Variants in DOCK4 observed in about 807,000 individuals in gnomAD.
The protein encoded by DOCK4 is dedicator of cytokinesis 4.
A neutral mutation model predicts 268.1 loss-of-function variants in DOCK4; 97 were observed. The ratio of observed to expected loss-of-function variants is 0.36; its 90% CI spans 0.31 to 0.43. The LOEUF (loss-of-function observed/expected upper bound fraction) is 0.43, where lower values mean the gene tolerates loss of function less well. DOCK4 is among the 20% of genes least tolerant of loss of function. The probability of loss-of-function intolerance (pLI) is 1.00; values close to 1 mark genes in which losing one functional copy is unlikely to be tolerated. For missense variants in DOCK4, 2,145 were observed against 2,455.7 expected (o/e 0.87, Z 2.67); for synonymous variants, 954 against 887.2 (o/e 1.08, Z -1.34).
chr7:112,148,890 A>G (rs961385617), intron 1 of DOCK4, among the ~76,000 whole-genome samples: 4 of 152,138 alleles, frequency 2.6e-5, no homozygotes, highest in African/African-American at 9.7e-5. Context: ...CACTGGACAA[A>G]AGAGGTAACA....
intron 8 of DOCK4, among the ~76,000 whole-genome samples, chr7:111,973,156 C>CGCATATATATATATATATATATATAT (rs990863473): frequency 5.3e-5 from 6 of 114,050 alleles, no homozygotes; most frequent in African/African-American, 1.8e-4. Flanking sequence ...TATTCCATGG[C>CGCATATATATATATATATATATATAT]ATATATATAT....
chr7:112,066,516 A>C lies in DOCK4; in HGVS notation c.38-62385T>G, dbSNP rs572633350. Among the ~76,000 whole-genome samples, 355 of 144,162 alleles carry C rather than the reference A, an allele frequency of 2.5e-3. 1 individual carries two copies. Among genetic ancestry groups the C allele is most frequent in the African/African-American group, 9.4e-3 (331 of 35,338 alleles). 94.6% of individuals were successfully genotyped at this position (144,162 alleles called of 152,430 possible). A position where few individuals can be genotyped will look rare whatever the true frequency, so the allele number is the denominator to read the frequency against. On this transcript the variant is annotated intron_variant, in intron 1 of 52. Transcript: ENST00000428084. ...TCTCTCCCTCTCTCTCTCTCTCTAT[A>C]TATATACACACACACATATATATAC...
intron 1 of DOCK4, among the ~76,000 whole-genome samples, chr7:112,013,905 TACTC>T (rs1375483916): frequency 2.6e-5 from 4 of 152,300 alleles, no homozygotes; most frequent in South Asian, 2.1e-4. Flanking sequence ...ACACTGATTA[TACTC>T]ACTCACCACC....
Position 111,989,032 on chromosome 7 carries a change from C to G in DOCK4, c.447G>C (p.Arg149=), listed in dbSNP as rs1157612735. ...ATACTCACTCATTGCCCCAGTCAAG[C>G]CGGGCAGTAATGTGGCGCTTCACGT... ...MKDVKRHITA[R]LDWGNEQLGL... Residue 149 remains arginine, a synonymous_variant, in exon 6 of 53, where the codon CGG becomes CGC. Coordinates refer to ENST00000428084, the MANE Select transcript of DOCK4 (RefSeq NM_001363540.2). 3.1e-6 allele frequency: 5 copies of G among 1,612,194 alleles called. No homozygotes were observed. The African/African-American group carries it at 6.7e-5, about 22-fold the overall frequency.
intron 1 of DOCK4, among the ~76,000 whole-genome samples, chr7:112,167,825 A>G (rs566973507): frequency 6.6e-6 from 1 of 152,286 alleles, no homozygotes; most frequent in Non-Finnish European, 1.5e-5. Flanking sequence ...AAGACTTTTA[A>G]TTTCATTATT....
At chr7:112,109,422 G>A (rs1811428970) in intron 1 of DOCK4, among the ~76,000 whole-genome samples, 1 of 152,094 alleles carries the variant, frequency 6.6e-6, no homozygotes, top group African/African-American at 2.4e-5. Flanking sequence ...AAAAATGTAT[G>A]GGAAGCTTAA....
intron 23 of DOCK4, among the ~76,000 whole-genome samples, chr7:111,851,365 A>G (rs908711873): frequency 3.3e-5 from 5 of 151,022 alleles, no homozygotes; most frequent in Non-Finnish European, 7.4e-5. Flanking sequence ...GAATCGCTTG[A>G]ACCTGGGAGG....
At chr7:112,177,345 G>A (rs1050809112) in intron 1 of DOCK4, among the ~76,000 whole-genome samples, 2 of 152,194 alleles carry the variant, frequency 1.3e-5, no homozygotes, top group Non-Finnish European at 2.9e-5. Context: ...TATTTACCAA[G>A]GCTTTTGTGA....
At chr7:111,829,571 A>G (rs935653142) in intron 26 of DOCK4, among the ~76,000 whole-genome samples, 14 of 152,334 alleles carry the variant, frequency 9.2e-5, no homozygotes, top group African/African-American at 2.9e-4. Flanking sequence ...GACCTTAACA[A>G]CAGGCTTTTA....
chr7:112,022,725 T>C (rs1436390279), intron 1 of DOCK4, among the ~76,000 whole-genome samples: 1 of 152,228 alleles, frequency 6.6e-6, no homozygotes, highest in African/African-American at 2.4e-5. Flanking sequence ...GCTGTCAATG[T>C]TGACCATTTC....
At chr7:111,764,044 C>A (rs1203667847) in intron 39 of DOCK4, among the ~76,000 whole-genome samples, 1 of 152,160 alleles carries the variant, frequency 6.6e-6, no homozygotes, top group Non-Finnish European at 1.5e-5. Flanking sequence ...GGCCCACCTG[C>A]AAAGTCAGCT....
chr7:111,882,937 G>T (rs1807528550), intron 16 of DOCK4, among the ~76,000 whole-genome samples: 1 of 152,210 alleles, frequency 6.6e-6, no homozygotes, highest in Admixed American at 6.5e-5. Context: ...ATTTAGGAAA[G>T]ACCTCTCTAA....
At position 111,788,756 on chromosome 7, in the gene DOCK4, T is replaced by C. The variant is rs1799342400; in HGVS notation, c.3316-9A>G. The stretch of plus-strand genomic sequence containing the variant: ...ATTAGCTTGGCTTCCACCTGAAACA[T>C]ACCCAACTATTATTCTCTTTCCTCC... On this transcript the variant is annotated splice_polypyrimidine_tract_variant and intron_variant, in intron 31 of 52. Transcript: ENST00000428084. 1.3e-6 allele frequency: 2 copies of C among 1,576,108 alleles called. No individual in the cohort carries two copies. The highest frequency in any genetic ancestry group is 1.7e-6 in the Non-Finnish European group (2 of 1,157,916).
chr7:111,827,337 GAA>G (rs1337924949), intron 26 of DOCK4, among the ~76,000 whole-genome samples: 1 of 152,002 alleles, frequency 6.6e-6, no homozygotes. Context: ...TAATTATATT[GAA>G]AATCTTTTGA....
chr7:112,125,255 G>C (rs549726798), intron 1 of DOCK4, among the ~76,000 whole-genome samples: 1 of 152,162 alleles, frequency 6.6e-6, no homozygotes, highest in East Asian at 1.9e-4. Context: ...GCCCCATCAG[G>C]ATGATCCCAA....
rs570594727 is a variant in DOCK4, at chr7:111,891,373, G to C, written c.1587+4239C>G. On this transcript the variant is annotated intron_variant, in intron 16 of 52. Coordinates refer to ENST00000428084, the MANE Select transcript of DOCK4 (RefSeq NM_001363540.2). ...ATGGTATTATACTAAATATATGCATGTATAAAGTATTAACAATAAGCACTT... is the reference window on the plus strand; with the variant it reads ...ATGGTATTATACTAAATATATGCATCTATAAAGTATTAACAATAAGCACTT... Among the ~76,000 whole-genome samples, 3 of 152,198 alleles carry C rather than the reference G, an allele frequency of 2.0e-5. No individual in the cohort carries two copies. The South Asian group carries it at 6.2e-4, about 32-fold the overall frequency.
In DOCK4 at chr7:111,834,610, A is replaced by T. The variant is rs1162713063; in HGVS notation, c.2813T>A (p.Phe938Tyr). ...DRHYQQLLDS[F>Y]NTKEELRDFL... is the part of the protein sequence containing the mutation. ...TACCCTTAGTTCTTCCTTTGTATTA[A>T]AACTATCAAGAAGCTGTTGATAATG... is the stretch of plus-strand genomic sequence containing the variant. The change falls in exon 26 of 53, where the codon TTT (phenylalanine) becomes TAT (tyrosine). Residue 938 changes from phenylalanine (F) to tyrosine (Y), a missense_variant. Around this residue, in one of 2 missense-constraint regions of DOCK4, gnomAD observed 1,598 missense variants for 1,986.7 expected, o/e 0.80. Coordinates refer to ENST00000428084, the MANE Select transcript of DOCK4 (RefSeq NM_001363540.2). 6.4e-7 allele frequency: 1 copy of T among 1,553,666 alleles called. No individual in the cohort carries two copies. Among genetic ancestry groups the T allele is most frequent in the South Asian group, 1.2e-5 (1 of 83,046 alleles).
intron 30 of DOCK4, among the ~76,000 whole-genome samples, chr7:111,799,148 C>T (rs1201416713): frequency 1.3e-5 from 2 of 152,162 alleles, no homozygotes; most frequent in Non-Finnish European, 2.9e-5. Flanking sequence ...ATAAAAGAGG[C>T]CACTTCTCAA....
At chr7:111,955,060 T>C (rs1050491448) in intron 8 of DOCK4, among the ~76,000 whole-genome samples, 15 of 152,190 alleles carry the variant, frequency 9.9e-5, no homozygotes, top group Admixed American at 7.9e-4. Flanking sequence ...TGTTTTATGA[T>C]AGTCATGTAT....
Sources: allele counts gnomAD v4.1 joint callset (sites outside exome capture counted in the v4.1 genomes callset), GRCh38; gene constraint gnomAD v4.1.1; regional missense constraint gnomAD v4.1.1; transcripts MANE v1.5; gene names NCBI Gene and HGNC (gene_info 2026-07-23, HGNC 2026-07-21).